The following NSMCE2 variants were observed in gnomAD, a reference collection of about 807,000 sequenced individuals.
The protein encoded by NSMCE2 is NSE2 SUMO ligase component of SMC5/6 complex.
NSMCE2 carries 24 observed loss-of-function variants against 23.8 expected under a neutral mutation model. The ratio of observed to expected loss-of-function variants is 1.01; its 90% CI spans 0.73 to 1.42. The LOEUF (loss-of-function observed/expected upper bound fraction) is 1.42. NSMCE2 is among the 40% of genes most tolerant of loss of function. NSMCE2 has a pLI of 0.00. For missense variants in NSMCE2, 284 were observed against 296.5 expected (o/e 0.96, Z 0.31); for synonymous variants, 92 against 94.1 (o/e 0.98, Z 0.13).
chr8:125,173,134 C>G (rs562037557), intron 4 of NSMCE2, among the ~76,000 whole-genome samples: 1 of 152,308 alleles, frequency 6.6e-6, no homozygotes, highest in Admixed American at 6.5e-5. Context: ...TCTGTCACCT[C>G]CCTTTTTGTC....
intron 1 of NSMCE2, among the ~76,000 whole-genome samples, chr8:125,098,173 G>A (rs1415384135): frequency 6.6e-6 from 1 of 152,100 alleles, no homozygotes; most frequent in African/African-American, 2.4e-5. Flanking sequence ...CTGAGGGTGA[G>A]GTCCAGCAAT....
intron 4 of NSMCE2, among the ~76,000 whole-genome samples, chr8:125,169,362 C>T (rs1293968171): frequency 6.6e-6 from 1 of 152,190 alleles, no homozygotes; most frequent in Non-Finnish European, 1.5e-5. Context: ...ATCTTAGAAC[C>T]ACACACATAA....
rs56704513 is a variant in NSMCE2, at chr8:125,143,098, G to GCACACA, written c.158-8054_158-8049dup. Among the ~76,000 whole-genome samples, 978 of 148,460 alleles carry GCACACA rather than the reference G, an allele frequency of 6.6e-3. 7 individuals are homozygous for GCACACA. Among genetic ancestry groups the GCACACA allele is most frequent in the African/African-American group, 0.023 (944 of 40,574 alleles). ...CAGGACACCCCCAGTGTGGGTGCAC[G>GCACACA]CACACACACACACACACACACACAG... On this transcript the variant is annotated intron_variant, in intron 3 of 7. Coordinates refer to ENST00000287437, the MANE Select transcript of NSMCE2 (RefSeq NM_173685.4).
intron 5 of NSMCE2, among the ~76,000 whole-genome samples, chr8:125,304,966 A>T (rs1272049076): frequency 5.4e-5 from 8 of 148,570 alleles, no homozygotes; most frequent in Non-Finnish European, 8.9e-5. Context: ...GAAGAAAGAA[A>T]GAAAAAGGAA....
chr8:125,104,788 A>G (rs1023038038), intron 3 of NSMCE2, among the ~76,000 whole-genome samples: 6 of 152,042 alleles, frequency 3.9e-5, no homozygotes, highest in East Asian at 1.9e-4. Flanking sequence ...TGTAATCCCA[A>G]CACTTTGGGA....
intron 7 of NSMCE2, among the ~76,000 whole-genome samples, chr8:125,364,657 A>G (rs549850184): frequency 1.3e-5 from 2 of 152,362 alleles, no homozygotes; most frequent in South Asian, 4.1e-4. Context: ...CAAGATAGAA[A>G]TAGATCCAGA....
At chr8:125,351,814 C>T (rs1813047213) in intron 5 of NSMCE2, among the ~76,000 whole-genome samples, 1 of 151,886 alleles carries the variant, frequency 6.6e-6, no homozygotes, top group Non-Finnish European at 1.5e-5. Flanking sequence ...AGTTCGATAC[C>T]AGCCTGGCCA....
intron 4 of NSMCE2, among the ~76,000 whole-genome samples, chr8:125,178,366 T>A (rs957294577): frequency 6.6e-6 from 1 of 152,222 alleles, no homozygotes; most frequent in Non-Finnish European, 1.5e-5. Flanking sequence ...CAGAAAAATC[T>A]GACCTTTTGT....
chr8:125,127,692 A>C (rs1436161310), intron 3 of NSMCE2, among the ~76,000 whole-genome samples: 1 of 152,076 alleles, frequency 6.6e-6, no homozygotes, highest in Non-Finnish European at 1.5e-5. Context: ...TAAGCTTATG[A>C]GGGGTTTGGA....
At chr8:125,360,103 A>G (rs1180054654) in intron 7 of NSMCE2, among the ~76,000 whole-genome samples, 3 of 152,212 alleles carry the variant, frequency 2.0e-5, no homozygotes, top group Non-Finnish European at 4.4e-5. Context: ...GACATTTCTC[A>G]TCTGGGTGTC....
chr8:125,128,855 C>A (rs1819628850), intron 3 of NSMCE2, among the ~76,000 whole-genome samples: 2 of 152,144 alleles, frequency 1.3e-5, no homozygotes. Context: ...TTAGGTCCAC[C>A]CAGATAAGCC....
intron 5 of NSMCE2, among the ~76,000 whole-genome samples, chr8:125,266,202 C>T (rs911797414): frequency 1.3e-5 from 2 of 152,042 alleles, no homozygotes; most frequent in African/African-American, 4.8e-5. Context: ...AGAGATTCTC[C>T]TGCCTCGGCC....
chr8:125,275,188 A>G (rs1025026085), intron 5 of NSMCE2, among the ~76,000 whole-genome samples: 1 of 151,718 alleles, frequency 6.6e-6, no homozygotes, highest in Non-Finnish European at 1.5e-5. Flanking sequence ...TTTCCTGTCC[A>G]TAGGAGAATG....
chr8:125,266,073 G>A (rs961563014), intron 5 of NSMCE2, among the ~76,000 whole-genome samples: 11 of 150,912 alleles, frequency 7.3e-5, no homozygotes, highest in Admixed American at 2.0e-4. Context: ...GTGAGCTTGC[G>A]GGGCAGGTCA....
chr8:125,362,985 G>C (rs1425908315), intron 7 of NSMCE2: 1 of 152,378 alleles, frequency 6.6e-6, no homozygotes, highest in Non-Finnish European at 1.5e-5. Flanking sequence ...CTTATTCACT[G>C]TCTGGCTATG....
chr8:125,266,411 T>C (rs540647240), intron 5 of NSMCE2, among the ~76,000 whole-genome samples: 12 of 152,362 alleles, frequency 7.9e-5, no homozygotes, highest in African/African-American at 2.9e-4. Flanking sequence ...CTACAGACTT[T>C]ACTCTTTAGT....
At chr8:125,286,315 A>ATTT (rs57559309) in intron 5 of NSMCE2, among the ~76,000 whole-genome samples, 1 of 148,300 alleles carries the variant, frequency 6.7e-6, no homozygotes, top group African/African-American at 2.5e-5. Context: ...CCTTTTATTT[A>ATTT]TTTTTTTTTT....
At chr8:125,316,663 CTTCCTTCT>C in intron 5 of NSMCE2, among the ~76,000 whole-genome samples, 1 of 122,928 alleles carries the variant, frequency 8.1e-6, no homozygotes, top group Non-Finnish European at 1.7e-5. Flanking sequence ...TCTTTCCTTC[CTTCCTTCT>C]TTCCTTCCTT....
At chr8:125,263,604 G>T (rs759510828) in intron 5 of NSMCE2, among the ~76,000 whole-genome samples, 1 of 152,100 alleles carries the variant, frequency 6.6e-6, no homozygotes, top group Non-Finnish European at 1.5e-5. Flanking sequence ...CAAAAAATTA[G>T]CTGGGCATGG....
Sources: gnomAD v4.1 joint callset for allele counts (sites outside exome capture counted in the v4.1 genomes callset) on GRCh38, gnomAD v4.1.1 for gene constraint, MANE v1.5 for transcripts, NCBI Gene and HGNC (gene_info 2026-07-23, HGNC 2026-07-21) for gene names.